Variants in BIRC6 observed in about 807,000 individuals in gnomAD.
BIRC6 encodes baculoviral IAP repeat containing 6, also known as dual E2 ubiquitin-conjugating enzyme/E3 ubiquitin-protein ligase BIRC6.
A neutral mutation model predicts 503.3 loss-of-function variants in BIRC6; 98 were observed. That is an observed-to-expected ratio of 0.19 (90% confidence interval 0.17 to 0.23). BIRC6 has a LOEUF of 0.23. Ranked by LOEUF, BIRC6 falls within the 10% of genes least tolerant of loss-of-function variation. BIRC6 has a pLI of 1.00. For synonymous variants in BIRC6, 2,240 were observed against 2,078.7 expected (o/e 1.08, Z -2.11); for missense variants, 5,360 against 5,806.0 (o/e 0.92, Z 2.50).
At chr2:32,529,874 C>CTGTCATACAA in intron 60 of BIRC6, 50 bp downstream of exon 60, 1 of 1,228,162 alleles carries the variant, frequency 8.1e-7, no homozygotes, top group Non-Finnish European at 1.1e-6. Context: ...TACAAAGAGG[C>CTGTCATACAA]AGAGATTTCT....
At chr2:32,460,988 CTCTGCTCTGCTCTCT>C (rs2047830418) in intron 23 of BIRC6, among the ~76,000 whole-genome samples, 1 of 143,106 alleles carries the variant, frequency 7.0e-6, no homozygotes, top group Non-Finnish European at 1.6e-5. Context: ...AATTGCTCTG[CTCTGCTCTGCTCTCT>C]TCTCTTCTCT....
chr2:32,431,294 C>T (rs908725065), intron 12 of BIRC6, among the ~76,000 whole-genome samples: 2 of 132,176 alleles, frequency 1.5e-5, no homozygotes, highest in Non-Finnish European at 3.1e-5. Flanking sequence ...CTCCTGGGTT[C>T]AAGTGATTCT....
chr2:32,591,012 T>A (rs2151344574), intron 66 of BIRC6: 1 of 982,524 alleles, frequency 1.0e-6, no homozygotes, highest in East Asian at 1.1e-4. Context: ...GGCCTACATA[T>A]GGGTTGACAG....
intron 6 of BIRC6, among the ~76,000 whole-genome samples, 182 bp downstream of exon 6, chr2:32,395,775 TA>T: frequency 6.6e-6 from 1 of 152,334 alleles, no homozygotes; most frequent in Admixed American, 6.5e-5. Context: ...ACAGTGTCTG[TA>T]AGTTTGACTT....
rs529474100 is a variant in BIRC6, at chr2:32,386,781, A to G, written c.646-1969A>G. Among the ~76,000 whole-genome samples the G allele has an allele frequency of 2.6e-5, 4 of 152,284 alleles. No individual in the cohort carries two copies. In the South Asian group the frequency reaches 8.3e-4, roughly 32 times the overall value. On this transcript the variant is annotated intron_variant, in intron 3 of 73. Coordinates refer to ENST00000421745, the MANE Select transcript of BIRC6 (RefSeq NM_016252.4). ...TGGCATTAATCTAAAAAATTTCTTC[A>G]GGAATGTAGCATTGCTTTAGTTTAA...
At chr2:32,523,338 G>T (rs538004208) in intron 57 of BIRC6, 1 of 152,054 alleles carries the variant, frequency 6.6e-6, no homozygotes, top group Admixed American at 6.5e-5. Context: ...TTGAAATAAG[G>T]GTAATAAATG....
rs796770005 is a variant in BIRC6 at position 32,541,897 on chromosome 2, C to A, written c.12292-1344C>A. Among the ~76,000 whole-genome samples the A allele has an allele frequency of 9.9e-5, 15 of 152,182 alleles. 1 individual carries two copies. The highest frequency in any genetic ancestry group is 2.2e-4 in the African/African-American group (9 of 41,552). On this transcript the variant is annotated intron_variant, in intron 61 of 73. Coordinates refer to ENST00000421745, the MANE Select transcript of BIRC6 (RefSeq NM_016252.4). ...CACACTGACTCTGTACTATAAACTG[C>A]AAATCTTATTCAGCTTTTGCCTGTC...
At chr2:32,546,896 T>C (rs574917733) in intron 63 of BIRC6, among the ~76,000 whole-genome samples, 3 of 152,092 alleles carry the variant, frequency 2.0e-5, no homozygotes, top group Admixed American at 6.5e-5. Context: ...CTGGCCAGCA[T>C]AGTGAAACTC....
At chr2:32,538,076 A>G (rs1338477774) in intron 61 of BIRC6, among the ~76,000 whole-genome samples, 1 of 152,192 alleles carries the variant, frequency 6.6e-6, no homozygotes, top group Non-Finnish European at 1.5e-5. Context: ...TCAATTCAGT[A>G]ATATTAGCGT....
chr2:32,578,899 G>T (rs1326354963), intron 66 of BIRC6, among the ~76,000 whole-genome samples: 1 of 148,168 alleles, frequency 6.7e-6, no homozygotes, highest in Non-Finnish European at 1.5e-5. Flanking sequence ...AAATCCAAGG[G>T]TGAATAAAGT....
chr2:32,431,138 T>C, intron 12 of BIRC6, 48 bp downstream of exon 12: 4 of 1,301,328 alleles, frequency 3.1e-6, no homozygotes, highest in Non-Finnish European at 4.3e-6. Flanking sequence ...TCTTGTGTAT[T>C]TGTCAGAGAC....
At chr2:32,470,360 A>G in intron 31 of BIRC6, 59 bp downstream of exon 31, 2 of 1,366,558 alleles carry the variant, frequency 1.5e-6, no homozygotes, top group African/African-American at 1.5e-5. Context: ...TATTTCTTTT[A>G]TAAAATATCT....
At chr2:32,460,264 ATATATATATTTTT>A (rs1358131897) in intron 23 of BIRC6, among the ~76,000 whole-genome samples, 8 of 29,478 alleles carry the variant, frequency 2.7e-4, no homozygotes, top group African/African-American at 9.6e-4. Flanking sequence ...ATATATATAT[ATATATATATTTTT>A]TTTTTTTTTT....
intron 66 of BIRC6, among the ~76,000 whole-genome samples, chr2:32,585,350 T>C (rs2060955253): frequency 6.6e-6 from 1 of 152,122 alleles, no homozygotes; most frequent in Admixed American, 6.5e-5. Flanking sequence ...GTTCTACCAA[T>C]TAAATTTTGA....
chr2:32,517,558 T>G (rs1278504101), intron 55 of BIRC6, among the ~76,000 whole-genome samples: 1 of 152,172 alleles, frequency 6.6e-6, no homozygotes, highest in Non-Finnish European at 1.5e-5. Context: ...TCTTGGTTTC[T>G]TAGTAAGGCT....
intron 32 of BIRC6, among the ~76,000 whole-genome samples, chr2:32,472,462 A>G (rs982361706): frequency 1.3e-5 from 2 of 152,244 alleles, no homozygotes; most frequent in Non-Finnish European, 2.9e-5. Flanking sequence ...ACATGTGGCT[A>G]CTATGGAAAC....
At chr2:32,565,975 A>G (rs1309334617) in intron 65 of BIRC6, 3 of 152,196 alleles carry the variant, frequency 2.0e-5, no homozygotes, top group Non-Finnish European at 4.4e-5. Flanking sequence ...ATGCATGATG[A>G]GTTTTGGGTG....
intron 21 of BIRC6, among the ~76,000 whole-genome samples, chr2:32,447,315 C>G (rs1333500737): frequency 1.3e-5 from 2 of 150,094 alleles, no homozygotes; most frequent in African/African-American, 4.9e-5. Context: ...CTCCTCACTT[C>G]CCAGTAGGGG....
At chr2:32,535,111 A>C (rs2057108765) in intron 61 of BIRC6, among the ~76,000 whole-genome samples, 1 of 134,980 alleles carries the variant, frequency 7.4e-6, no homozygotes, top group African/African-American at 2.8e-5. Flanking sequence ...GTTCCAGACC[A>C]CCTGGGCAAC....
Sources: gnomAD v4.1 joint callset for allele counts (sites outside exome capture counted in the v4.1 genomes callset) on GRCh38, gnomAD v4.1.1 for gene constraint, MANE v1.5 for transcripts, NCBI Gene and HGNC (gene_info 2026-07-23, HGNC 2026-07-21) for gene names.